The following JADE3 variants were observed in gnomAD, a reference collection of about 807,000 sequenced individuals.
JADE3 encodes protein Jade-3.
In JADE3, 2 loss-of-function variants were observed where a neutral mutation model predicts 50.1. The ratio of observed to expected loss-of-function variants is 0.04; its 90% CI spans 0.02 to 0.13. The LOEUF (loss-of-function observed/expected upper bound fraction) is 0.13. JADE3 is among the 10% of genes least tolerant of loss of function. The probability of loss-of-function intolerance (pLI) is 1.00; values close to 1 mark genes in which losing one functional copy is unlikely to be tolerated. For synonymous variants in JADE3, 218 were observed against 232.9 expected (o/e 0.94, Z 0.58); for missense variants, 475 against 634.4 (o/e 0.75, Z 2.70).
At chrX:46,965,047 A>G (rs1556348686) in intron 1 of JADE3, among the ~76,000 whole-genome samples, 2 of 112,309 alleles carry the variant, frequency 1.8e-5, no homozygotes, top group Admixed American at 9.4e-5. Context: ...AAAATTAGAC[A>G]TATCTGTGGT....
intron 3 of JADE3, among the ~76,000 whole-genome samples, chrX:46,995,902 T>G (rs1928117667): frequency 8.9e-6 from 1 of 112,401 alleles, no homozygotes; most frequent in Non-Finnish European, 1.9e-5. Flanking sequence ...GAAATCAGGC[T>G]TATCATATGC....
At chrX:46,938,265 T>C (rs1261724588) in intron 1 of JADE3, among the ~76,000 whole-genome samples, 1 of 111,760 alleles carries the variant, frequency 8.9e-6, no homozygotes, top group Non-Finnish European at 1.9e-5. Flanking sequence ...CATTTTCCTG[T>C]CTTCTTTTGG....
At chrX:46,912,324 G>A (rs1925969827), upstream of JADE3, 1 of 112,350 alleles carries the variant, frequency 8.9e-6, no homozygotes, top group Admixed American at 9.3e-5. Flanking sequence ...GCGGGCAGAC[G>A]GCTGGGAGCC....
chrX:46,949,158 C>T (rs1252462864), intron 1 of JADE3, among the ~76,000 whole-genome samples: 1 of 110,247 alleles, frequency 9.1e-6, no homozygotes, highest in Admixed American at 9.7e-5. Flanking sequence ...AGGCTGGTCT[C>T]AAACTCCTGG....
At chrX:46,930,894 C>T (rs1926475582) in intron 1 of JADE3, among the ~76,000 whole-genome samples, 1 of 111,479 alleles carries the variant, frequency 9.0e-6, no homozygotes, top group South Asian at 3.7e-4. Context: ...AACTTCCCAG[C>T]CCCCCATCCA....
chrX:46,961,139 G>A (rs1191483834), intron 1 of JADE3, among the ~76,000 whole-genome samples: 1 of 112,105 alleles, frequency 8.9e-6, no homozygotes, highest in Non-Finnish European at 1.9e-5. Context: ...AAAATAATAT[G>A]ATAATGGACT....
chrX:47,047,027 C>T (rs1929392892), intron 8 of JADE3, among the ~76,000 whole-genome samples: 1 of 111,576 alleles, frequency 9.0e-6, no homozygotes, highest in African/African-American at 3.3e-5. Flanking sequence ...TAAGGCATAT[C>T]ATTCCTCTTT....
chrX:46,913,232 G>C (rs781994434), intron 1 of JADE3, among the ~76,000 whole-genome samples: 299 of 110,965 alleles, frequency 2.7e-3, no homozygotes, highest in Non-Finnish European at 5.2e-3. Flanking sequence ...TTAGCTGTTG[G>C]GGGGCGGAAA....
At chrX:46,929,300 A>T (rs1464746769) in intron 1 of JADE3, among the ~76,000 whole-genome samples, 1 of 112,572 alleles carries the variant, frequency 8.9e-6, no homozygotes, top group Non-Finnish European at 1.9e-5. Context: ...GGAATAACTA[A>T]CATAAATCCA....
At chrX:47,001,295 C>A (rs1380821853) in intron 4 of JADE3, among the ~76,000 whole-genome samples, 1 of 111,497 alleles carries the variant, frequency 9.0e-6, no homozygotes, top group Non-Finnish European at 1.9e-5. Flanking sequence ...GTTTTTGATT[C>A]AGTAGATCTG....
intron 1 of JADE3, among the ~76,000 whole-genome samples, chrX:46,972,895 G>T (rs942552767): frequency 8.9e-6 from 1 of 112,337 alleles, no homozygotes; most frequent in Non-Finnish European, 1.9e-5. Flanking sequence ...CACCGCGCCC[G>T]GCTGGAATAA....
chrX:47,034,112 GAC>G (rs1216025740), intron 7 of JADE3, among the ~76,000 whole-genome samples: 4 of 111,080 alleles, frequency 3.6e-5, no homozygotes, highest in Non-Finnish European at 7.6e-5. Context: ...TGAGAGGAGA[GAC>G]ACAAAAGACC....
At chrX:47,054,651 G>C in intron 9 of JADE3, 23 bp downstream of exon 9, 1 of 991,626 alleles carries the variant, frequency 1.0e-6, no homozygotes, top group Non-Finnish European at 1.4e-6. Context: ...GCTGTGACTA[G>C]TATATAGGCC....
chrX:46,933,244 C>A (rs1243098961), intron 1 of JADE3, among the ~76,000 whole-genome samples: 1 of 111,571 alleles, frequency 9.0e-6, no homozygotes, highest in Non-Finnish European at 1.9e-5. Flanking sequence ...TAATGTCAAT[C>A]ACTGATTTGC....
chrX:46,959,687 A>G (rs1927213416), intron 1 of JADE3, among the ~76,000 whole-genome samples: 1 of 110,410 alleles, frequency 9.1e-6, no homozygotes, highest in African/African-American at 3.3e-5. Context: ...GTGAAGTAGG[A>G]TAGGGTGATG....
At chrX:47,046,489 CA>C (rs1376305117) in intron 8 of JADE3, among the ~76,000 whole-genome samples, 1 of 111,404 alleles carries the variant, frequency 9.0e-6, no homozygotes, top group East Asian at 2.8e-4. Context: ...CAAACTATTC[CA>C]AAAAATAGAA....
chrX:46,925,296 A>G (rs782423552), intron 1 of JADE3, among the ~76,000 whole-genome samples: 7 of 112,164 alleles, frequency 6.2e-5, no homozygotes, highest in Non-Finnish European at 1.3e-4. Flanking sequence ...CATGCCATCT[A>G]ATAACTTAGT....
chrX:46,923,393 CTTTTTTTTTTTT>C (rs782555482), intron 1 of JADE3, among the ~76,000 whole-genome samples: 5 of 11,525 alleles, frequency 4.3e-4, no homozygotes, highest in Non-Finnish European at 8.1e-4. Context: ...CTCTCTCTCT[CTTTTTTTTTTTT>C]TTTTTTTTTT....
At chrX:46,928,157 A>G (rs1926412019) in intron 1 of JADE3, among the ~76,000 whole-genome samples, 2 of 111,328 alleles carry the variant, frequency 1.8e-5, no homozygotes, top group Admixed American at 1.9e-4. Context: ...CGTACCATCA[A>G]CAATCCAACA....
Sources: allele counts gnomAD v4.1 joint callset (sites outside exome capture counted in the v4.1 genomes callset), GRCh38; gene constraint gnomAD v4.1.1; transcripts MANE v1.5; gene names NCBI Gene and HGNC (gene_info 2026-07-23, HGNC 2026-07-21).